Variants in SORCS2 observed in about 807,000 individuals in gnomAD.
The protein encoded by SORCS2 is sortilin related VPS10 domain containing receptor 2.
In SORCS2, 100 loss-of-function variants were observed where a neutral mutation model predicts 141.6. That is an observed-to-expected ratio of 0.71 (90% CI 0.60 to 0.83). SORCS2 has a LOEUF of 0.83. SORCS2 is among the 40% of genes least tolerant of loss of function. The pLI is 0.00. For synonymous variants in SORCS2, 789 were observed against 676.9 expected, an observed-to-expected ratio of 1.17 and a Z score of -2.57; for missense variants, 1,646 against 1,560.2, an observed-to-expected ratio of 1.05 and a Z score of -0.93.
At chr4:7,333,513 G>T (rs1719793306) in intron 1 of SORCS2, among the ~76,000 whole-genome samples, 1 of 152,200 alleles carries the variant, frequency 6.6e-6, no homozygotes, top group African/African-American at 2.4e-5. Flanking sequence ...TCACTCGGGG[G>T]ACTTTCTGGC....
intron 1 of SORCS2, among the ~76,000 whole-genome samples, chr4:7,196,399 G>A (rs1268221885): frequency 6.6e-6 from 1 of 152,106 alleles, no homozygotes. Context: ...GGAATGTGCT[G>A]TGCCCCGTCC....
At chr4:7,561,943 C>T (rs1714620786) in intron 3 of SORCS2, among the ~76,000 whole-genome samples, 1 of 152,222 alleles carries the variant, frequency 6.6e-6, no homozygotes, top group Non-Finnish European at 1.5e-5. Flanking sequence ...ATCTATCCAT[C>T]TACCTCTTAA....
At position 7,706,717 on chromosome 4, in the gene SORCS2, A is replaced by G. The variant is rs111317790; in HGVS notation, c.1868+2433A>G. On this transcript the variant is annotated intron_variant, in intron 14 of 26. Transcript: ENST00000507866. ...ATGAGGCTGGGCTCTGCCTGGACAG[A>G]GATGAGGCTGGGCTCTGCCTGGGCA... Among the ~76,000 whole-genome samples the G allele has an allele frequency of 9.3e-4, 115 of 123,184 alleles. 3 individuals carry two copies. The highest frequency in any genetic ancestry group is 3.3e-3 in the African/African-American group (101 of 30,916). The allele number at this position is 123,184 out of a possible 152,430, so 80.8% of individuals were successfully genotyped here. A position where few individuals can be genotyped will look rare whatever the true frequency, so the allele number is the denominator to read the frequency against.
At chr4:7,417,460 G>C (rs1481765198) in intron 2 of SORCS2, among the ~76,000 whole-genome samples, 1 of 152,186 alleles carries the variant, frequency 6.6e-6, no homozygotes, top group Non-Finnish European at 1.5e-5. Flanking sequence ...GGGGGTAGAA[G>C]CTAGTGTTTG....
At chr4:7,690,126 G>T (rs548626632) in intron 11 of SORCS2, among the ~76,000 whole-genome samples, 1 of 151,726 alleles carries the variant, frequency 6.6e-6, no homozygotes, top group African/African-American at 2.4e-5. Context: ...GGATGATGGT[G>T]GATGGGTGGT....
At chr4:7,311,286 T>C (rs1415353794) in intron 1 of SORCS2, among the ~76,000 whole-genome samples, 3 of 152,228 alleles carry the variant, frequency 2.0e-5, no homozygotes, top group East Asian at 1.9e-4. Flanking sequence ...CCATCCTTTC[T>C]ACAGACCACA....
chr4:7,331,654 C>T (rs569735156), intron 1 of SORCS2, among the ~76,000 whole-genome samples: 4 of 152,246 alleles, frequency 2.6e-5, no homozygotes, highest in South Asian at 2.1e-4. Flanking sequence ...CCCACGCCCC[C>T]GGGGATCTTG....
intron 11 of SORCS2, among the ~76,000 whole-genome samples, chr4:7,693,996 C>T (rs1170139709): frequency 6.6e-6 from 1 of 152,230 alleles, no homozygotes; most frequent in Non-Finnish European, 1.5e-5. Flanking sequence ...AGCCCACTCA[C>T]CTGGGCCCCG....
intron 19 of SORCS2, among the ~76,000 whole-genome samples, chr4:7,724,852 A>G (rs62639475): frequency 1.5e-5 from 1 of 68,838 alleles, no homozygotes; most frequent in Admixed American, 1.9e-4. Context: ...TGATGGTGGT[A>G]GTGGTGATGG....
At position 7,725,170 on chromosome 4, in the gene SORCS2, C is replaced by G. The variant is rs768917104; in HGVS notation, c.2628C>G (p.Leu876=). 7 of 1,613,396 alleles carry G rather than the reference C, an allele frequency of 4.3e-6. No individual in the cohort carries two copies. In the South Asian group the frequency reaches 5.5e-5, roughly 13 times the overall value. The change falls in exon 20 of 27, where the codon CTC becomes CTG. Residue 876 remains leucine (L), a synonymous_variant. Transcript: ENST00000507866. ...FVQVNSPLQA[L]YLEVVPVIGL... ...TCCCCACAGCCCCCCTGCAGGCCCT[C>G]TACCTGGAGGTGGTTCCTGTCATTG...
At chr4:7,536,564 G>A (rs1712138349) in intron 3 of SORCS2, among the ~76,000 whole-genome samples, 1 of 152,158 alleles carries the variant, frequency 6.6e-6, no homozygotes, top group South Asian at 2.1e-4. Flanking sequence ...CCATGACTGT[G>A]GGGCAGAGGT....
At chr4:7,434,953 C>T (rs1727196866) in intron 2 of SORCS2, 1 of 1,454,010 alleles carries the variant, frequency 6.9e-7, no homozygotes, top group Non-Finnish European at 9.1e-7. Flanking sequence ...CCTGCCTGGC[C>T]CCAGAGGAGG....
At chr4:7,434,381 C>G (rs1349454389) in intron 2 of SORCS2, 1 of 1,607,274 alleles carries the variant, frequency 6.2e-7, no homozygotes, top group Non-Finnish European at 8.5e-7. Context: ...GGCCCATTGG[C>G]CATGAACGGA....
At chr4:7,436,341 G>A (rs76983897) in intron 2 of SORCS2, among the ~76,000 whole-genome samples, 24,872 of 152,234 alleles carry the variant, frequency 0.16, 2,421 homozygotes, top group Middle Eastern at 0.32. Context: ...TCAGTCCATC[G>A]CCTGACATTC....
chr4:7,638,292 C>G, intron 3 of SORCS2, 36 bp from the exon 4 acceptor site: 1 of 1,490,622 alleles, frequency 6.7e-7, no homozygotes, highest in Non-Finnish European at 8.9e-7. Context: ...GAGAGGGGCA[C>G]CTGGCCCAGG....
chr4:7,255,959 T>C (rs75575999), intron 1 of SORCS2, among the ~76,000 whole-genome samples: 5 of 4,224 alleles, frequency 1.2e-3, no homozygotes, highest in African/African-American at 4.7e-3. Flanking sequence ...CGTGGGGCCC[T>C]GGGGCTGGAG....
At chr4:7,326,052 C>A (rs1011393529) in intron 1 of SORCS2, among the ~76,000 whole-genome samples, 2 of 152,006 alleles carry the variant, frequency 1.3e-5, no homozygotes, top group African/African-American at 4.8e-5. Context: ...GGGAATGGGG[C>A]AGCAGGGAAG....
chr4:7,268,125 T>G (rs1481747413), intron 1 of SORCS2, among the ~76,000 whole-genome samples: 1 of 152,172 alleles, frequency 6.6e-6, no homozygotes. Context: ...TCTCCCCTTG[T>G]GGGGCAGTCC....
At position 7,259,823 on chromosome 4, in the gene SORCS2, C is replaced by T. The variant is rs149143672; in HGVS notation, c.480+66697C>T. 2.0e-3 allele frequency among the ~76,000 whole-genome samples: 302 copies of T among 152,362 alleles called. 2 individuals carry two copies. Among genetic ancestry groups the T allele is most frequent in the African/African-American group, 6.5e-3 (271 of 41,582 alleles). ...CTGAGACTCTGAGAGGAGAAGTCGGCCCCCTGCACTGCTGTGGATGAGGTG... is the reference window on the plus strand; with the variant it reads ...CTGAGACTCTGAGAGGAGAAGTCGGTCCCCTGCACTGCTGTGGATGAGGTG... On this transcript the variant is annotated intron_variant, in intron 1 of 26. Transcript: ENST00000507866.
Sources: allele counts gnomAD v4.1 joint callset (sites outside exome capture counted in the v4.1 genomes callset), GRCh38; gene constraint gnomAD v4.1.1; transcripts MANE v1.5; gene names NCBI Gene and HGNC (gene_info 2026-07-23, HGNC 2026-07-21).